The following FAT2 variants were observed in gnomAD, a reference collection of about 807,000 sequenced individuals.
FAT2 encodes the protein protocadherin Fat 2.
FAT2 carries 150 observed loss-of-function variants against 295.3 expected under a neutral mutation model. That is an observed-to-expected ratio of 0.51 (90% CI 0.44 to 0.58). The LOEUF (loss-of-function observed/expected upper bound fraction) is 0.58. Among genes scored for constraint, FAT2 ranks in the 20% least tolerant of loss-of-function variants. The pLI, the probability that FAT2 is intolerant of heterozygous loss-of-function variation, is 0.00. For missense variants in FAT2, 4,868 were observed against 5,442.7 expected (o/e 0.89, Z 3.32); for synonymous variants, 2,026 against 2,150.3 (o/e 0.94, Z 1.60).
rs1760937733 is a variant in FAT2, at chr5:151,507,007, G to T, written c.12517+147C>A. On this transcript the variant is annotated intron_variant, in intron 23 of 23. Coordinates refer to ENST00000261800, the MANE Select transcript of FAT2 (RefSeq NM_001447.3). ...GTATCTGCTCCAGCATCCGTGCCCT[G>T]TAATCTTGAACACATCTCATCATGT... 3 of 673,312 alleles carry T rather than the reference G, an allele frequency of 4.5e-6. No homozygotes were observed. The South Asian group carries it at 6.4e-5, about 14-fold the overall frequency. The allele number at this position is 673,312 out of a possible 1,614,324, so 41.7% of individuals were successfully genotyped here. A position where few individuals can be genotyped will look rare whatever the true frequency, so the allele number is the denominator to read the frequency against.
intron 1 of FAT2, among the ~76,000 whole-genome samples, chr5:151,581,614 T>C (rs778762795): frequency 6.6e-6 from 1 of 152,236 alleles, no homozygotes; most frequent in Non-Finnish European, 1.5e-5. Context: ...GCATTATCTC[T>C]TTTAAGCTAG....
chr5:151,541,465 A>C (rs1181644050), intron 10 of FAT2, among the ~76,000 whole-genome samples: 2 of 152,128 alleles, frequency 1.3e-5, no homozygotes, highest in Non-Finnish European at 2.9e-5. Flanking sequence ...CTTTGATCCT[A>C]TGTCTTCGGG....
chr5:151,585,159 T>C (rs79630604), intron 1 of FAT2, among the ~76,000 whole-genome samples: 314 of 152,354 alleles, frequency 2.1e-3, no homozygotes, highest in African/African-American at 7.1e-3. Context: ...GAAGGAGTGA[T>C]GTGGCTATCC....
At position 151,507,625 on chromosome 5, in the gene FAT2, G is replaced by GAAT. The variant is rs56258915; in HGVS notation, c.12060-15_12060-14insATT. 2.0e-4 allele frequency: 312 copies of GAAT among 1,587,634 alleles called. 1 individual carries two copies. The African/African-American group carries it at 3.8e-3, about 19-fold the overall frequency. The stretch of plus-strand genomic sequence containing the variant: ...TCCATTTCACACCTGCGGAGACAGA[G>GAAT]TAGTCAGGGGGCCAAGTCATGAAAT... On this transcript the variant is annotated splice_polypyrimidine_tract_variant and intron_variant, in intron 22 of 23. Transcript: ENST00000261800.
chr5:151,582,433 T>C (rs1468626975), intron 1 of FAT2, among the ~76,000 whole-genome samples: 4 of 152,170 alleles, frequency 2.6e-5, no homozygotes, highest in Non-Finnish European at 5.9e-5. Context: ...CCTGAGGGGA[T>C]GGGGGTGAGG....
chr5:151,506,003 C>T lies in FAT2; in HGVS notation c.12612G>A (p.Pro4204=), dbSNP rs142209223. ...GGGTTGAGTGGCGGTGAGCCGAGGGCGGCAGAGGGCCCTGAGTCACTTCGG... is the reference window on the plus strand; with the variant it reads ...GGGTTGAGTGGCGGTGAGCCGAGGGTGGCAGAGGGCCCTGAGTCACTTCGG... The part of the protein sequence containing the change: ...PHSEVTQGPL[P]PSAHRHSTPV... Residue 4204 remains proline (P), a synonymous_variant, in exon 24 of 24, where the codon CCG becomes CCA. Transcript: ENST00000261800. 1,969 of 1,575,158 alleles carry T rather than the reference C, an allele frequency of 1.3e-3. 4 individuals are homozygous for T. Among genetic ancestry groups the T allele is most frequent in the Admixed American group, 3.0e-3 (156 of 52,716 alleles).
rs189094526 is a variant in FAT2 at position 151,540,615 on chromosome 5, C to T, written c.8991G>A (p.Val2997=). ...CATTGACGTCCAGGACAAAGATCTC[C>T]ACAGTGACCGAAGCCTGGAACTTGC... is the stretch of plus-strand genomic sequence containing the variant. The part of the protein sequence containing the change: ...SDGKFQASVT[V]EIFVLDVNDN... Residue 2997 remains valine (V), a synonymous_variant, in exon 11 of 24, where the codon GTG becomes GTA. Coordinates refer to ENST00000261800, the MANE Select transcript of FAT2 (RefSeq NM_001447.3). 4.2e-5 allele frequency: 67 copies of T among 1,614,122 alleles called. No individual in the cohort carries two copies. The highest frequency in any genetic ancestry group is 5.4e-5 in the Non-Finnish European group (64 of 1,180,008).
At chr5:151,593,417 G>A (rs1476358419), upstream of FAT2, among the ~76,000 whole-genome samples, 1 of 152,106 alleles carries the variant, frequency 6.6e-6, no homozygotes, top group Non-Finnish European at 1.5e-5. Context: ...AAGGCTGCTG[G>A]CATCCATCCC....
rs36215342 is a variant in FAT2, at chr5:151,533,393, AACACACACACACACAC to A, written c.9427+1000_9427+1015del. Among the ~76,000 whole-genome samples, 260 of 132,178 alleles carry A rather than the reference AACACACACACACACAC, an allele frequency of 2.0e-3. 3 individuals are homozygous for A. Among genetic ancestry groups the A allele is most frequent in the Non-Finnish European group, 2.2e-3 (137 of 61,306 alleles). 86.7% of individuals were successfully genotyped at this position (132,178 alleles called of 152,430 possible). On this transcript the variant is annotated intron_variant, in intron 13 of 23. Transcript: ENST00000261800. ...TATTCCACTTGCACTTGTTATCTCC[AACACACACACACACAC>A]ACACACACACACACACACACACACA... is the stretch of plus-strand genomic sequence containing the variant.
At chr5:151,506,268 G>A (rs1176660557) in intron 23 of FAT2, among the ~76,000 whole-genome samples, 171 bp from the exon 24 acceptor site, 1 of 152,206 alleles carries the variant, frequency 6.6e-6, no homozygotes, top group African/African-American at 2.4e-5. Context: ...AGAATCCAAT[G>A]GGACAAGCTC....
At chr5:151,574,369 G>A (rs1758661618) in intron 1 of FAT2, among the ~76,000 whole-genome samples, 1 of 152,172 alleles carries the variant, frequency 6.6e-6, no homozygotes, top group Non-Finnish European at 1.5e-5. Flanking sequence ...TCAGTGCTAA[G>A]ACTGGCTCTT....
intron 1 of FAT2, among the ~76,000 whole-genome samples, chr5:151,572,484 T>G (rs1165723534): frequency 6.6e-6 from 1 of 152,232 alleles, no homozygotes; most frequent in East Asian, 1.9e-4. Flanking sequence ...TGTGGTCACT[T>G]ATGAATCTGA....
At chr5:151,550,950 T>C (rs2127622507) in intron 7 of FAT2, 79 bp from the exon 8 acceptor site, 1 of 1,349,876 alleles carries the variant, frequency 7.4e-7, no homozygotes, top group Non-Finnish European at 1.0e-6. Context: ...CCTCCCTGTA[T>C]CACCCAGGCC....
intron 3 of FAT2, among the ~76,000 whole-genome samples, chr5:151,556,687 G>A (rs1048175237): frequency 9.2e-5 from 14 of 152,110 alleles, no homozygotes; most frequent in Admixed American, 9.2e-4. Flanking sequence ...TACAAATACT[G>A]AAGTGTTGAA....
At chr5:151,561,268 G>A (rs1240608177) in intron 3 of FAT2, among the ~76,000 whole-genome samples, 1 of 152,228 alleles carries the variant, frequency 6.6e-6, no homozygotes, top group African/African-American at 2.4e-5. Context: ...CCCGGACTGA[G>A]GCAGGCCATG....
rs1264403894 is a variant in FAT2 at position 151,531,218 on chromosome 5, GC to G, written c.9811+368del. On this transcript the variant is annotated intron_variant, in intron 14 of 23. Coordinates refer to ENST00000261800, the MANE Select transcript of FAT2 (RefSeq NM_001447.3). This position sits in a 1 kb window ranked among gnomAD's most constrained non-coding sequence, Gnocchi z 5.7. ...GGCAGCCTTGTCCAGGGTTGCTTAA[GC>G]CCCAGATTCCAGCAAGGGCTCCCTG... Among the ~76,000 whole-genome samples, 5 of 152,168 alleles carry G rather than the reference GC, an allele frequency of 3.3e-5. No individual in the cohort carries two copies. Among genetic ancestry groups the G allele is most frequent in the African/African-American group, 1.2e-4 (5 of 41,428 alleles).
intron 4 of FAT2, among the ~76,000 whole-genome samples, chr5:151,555,797 T>A (rs1181232227): frequency 1.3e-5 from 2 of 152,332 alleles, no homozygotes; most frequent in East Asian, 3.9e-4. Flanking sequence ...GAAGAGATCA[T>A]CAGTGAAGGA....
At position 151,567,885 on chromosome 5, in the gene FAT2, G is replaced by A; in HGVS notation, c.1047C>T (p.Gly349=). The change falls in exon 2 of 24, where the codon GGC becomes GGT. Residue 349 remains glycine (G), a synonymous_variant. Transcript: ENST00000261800. ...ACAGTTTGGAAGGTGGTAGGTGAAAGCCCCTGATCTGGGAATAAAAATAAG... is the reference window on the plus strand; with the variant it reads ...ACAGTTTGGAAGGTGGTAGGTGAAAACCCCTGATCTGGGAATAAAAATAAG... ...SGPYFYSQIR[G]FHLPPSKLSS... is the part of the protein sequence containing the mutation. 6.2e-7 allele frequency: 1 copy of A among 1,614,136 alleles called. No individual in the cohort carries two copies. The highest frequency in any genetic ancestry group is 8.5e-7 in the Non-Finnish European group (1 of 1,180,008).
intron 11 of FAT2, among the ~76,000 whole-genome samples, chr5:151,538,895 A>G (rs1352871055): frequency 6.6e-6 from 1 of 151,142 alleles, no homozygotes; most frequent in Non-Finnish European, 1.5e-5. Flanking sequence ...CATGTTGGCC[A>G]GGCTGGTCTC....
Sources: gnomAD v4.1 joint callset for allele counts (sites outside exome capture counted in the v4.1 genomes callset) on GRCh38, gnomAD v4.1.1 for gene constraint, Gnocchi (gnomAD v3.1) non-coding constraint, MANE v1.5 for transcripts, NCBI Gene and HGNC (gene_info 2026-07-23, HGNC 2026-07-21) for gene names.